Variants in DDX4 observed in about 807,000 individuals in gnomAD.
DDX4 encodes the protein DEAD-box helicase 4.
Under a neutral mutation model 100.0 loss-of-function variants are expected in DDX4, and 25 were observed. That is an observed-to-expected ratio of 0.25 (90% confidence interval 0.18 to 0.35). The LOEUF (loss-of-function observed/expected upper bound fraction) is 0.35. DDX4 is among the 10% of genes least tolerant of loss of function. The pLI is 1.00. For missense variants in DDX4, 635 were observed against 882.4 expected (o/e 0.72, Z 3.55); for synonymous variants, 259 against 275.7 (o/e 0.94, Z 0.60).
intron 21 of DDX4, 81 bp from the exon 22 acceptor site, chr5:55,816,382 G>A: frequency 6.6e-7 from 1 of 1,517,146 alleles, no homozygotes; most frequent in East Asian, 2.5e-5. Flanking sequence ...CTTGCTCTCA[G>A]TCTGAGTGAT....
At chr5:55,778,152 AAATC>A (rs1228956817) in intron 7 of DDX4, among the ~76,000 whole-genome samples, 5 of 152,144 alleles carry the variant, frequency 3.3e-5, no homozygotes, top group Non-Finnish European at 7.4e-5. Context: ...AAAATAAAAG[AAATC>A]AATAAGTCTA....
intron 7 of DDX4, among the ~76,000 whole-genome samples, chr5:55,774,207 A>G (rs1741423780): frequency 6.7e-6 from 1 of 149,912 alleles, no homozygotes; most frequent in Non-Finnish European, 1.5e-5. Flanking sequence ...TCTGGGGTGC[A>G]GTGGCACAGT....
At position 55,780,003 on chromosome 5, in the gene DDX4, A is replaced by G. The variant is rs143562242; in HGVS notation, c.434A>G (p.Tyr145Cys). 77 of 1,613,938 alleles carry G rather than the reference A, an allele frequency of 4.8e-5. No individual in the cohort carries two copies. In the African/African-American group the frequency reaches 6.5e-4, roughly 14 times the overall value. ...DGNNSEASGP[Y>C]RRGGRGSFRG... ...AATAATTCAGAAGCTTCAGGGCCAT[A>G]CAGAAGAGGTGGAAGAGGTAGTTTC... The change falls in exon 8 of 22, where the codon TAC becomes TGC. Residue 145 changes from tyrosine (Y) to cysteine (C), a missense_variant. Tyr to Cys is a radical substitution (Grantham distance 194). Around this residue, in one of 4 missense-constraint regions of DDX4, gnomAD observed 446 missense variants for 540.8 expected, o/e 0.82. Transcript: ENST00000505374.
At chr5:55,809,098 G>C (rs1215192769) in intron 18 of DDX4, among the ~76,000 whole-genome samples, 4 of 152,218 alleles carry the variant, frequency 2.6e-5, no homozygotes, top group African/African-American at 9.6e-5. Flanking sequence ...GCTCCATGGG[G>C]GTAGGACCCT....
At chr5:55,748,447 T>C (rs1759363083) in intron 3 of DDX4, among the ~76,000 whole-genome samples, 1 of 152,180 alleles carries the variant, frequency 6.6e-6, no homozygotes, top group South Asian at 2.1e-4. Flanking sequence ...AACACTGTTT[T>C]GTATTGGAAT....
chr5:55,756,111 G>A (rs989676291), intron 3 of DDX4, among the ~76,000 whole-genome samples: 1 of 151,976 alleles, frequency 6.6e-6, no homozygotes, highest in African/African-American at 2.4e-5. Context: ...AATATTGATG[G>A]TCATTTTTAT....
At chr5:55,746,294 C>A in intron 3 of DDX4, 73 bp downstream of exon 3, 1 of 1,338,644 alleles carries the variant, frequency 7.5e-7, no homozygotes, top group Non-Finnish European at 1.0e-6. Context: ...GAGCAGCAGA[C>A]TAGTAGACAT....
chr5:55,803,772 T>C (rs1281341448), intron 18 of DDX4, among the ~76,000 whole-genome samples: 1 of 152,056 alleles, frequency 6.6e-6, no homozygotes, highest in East Asian at 1.9e-4. Context: ...TTGTGAATAG[T>C]GCCTCAATAA....
In DDX4 at chr5:55,739,002, T is replaced by C. The variant is rs1758839622; in HGVS notation, c.39T>C (p.His13=). The change falls in exon 2 of 22, where the codon CAT becomes CAC. Residue 13 remains histidine, a synonymous_variant. Coordinates refer to ENST00000505374, the MANE Select transcript of DDX4 (RefSeq NM_024415.3). The stretch of plus-strand genomic sequence containing the variant: ...ATTGGGAAGCAGAAATCAACCCTCA[T>C]ATGTCTTCCTATGTTCCCATATTTG... The part of the protein sequence containing the change: ...DEDWEAEINP[H]MSSYVPIFEK... 1 of 1,601,512 alleles carries C rather than the reference T, an allele frequency of 6.2e-7. No individual in the cohort carries two copies. The highest frequency in any genetic ancestry group is 1.1e-5 in the South Asian group (1 of 90,618).
In DDX4 at chr5:55,802,584, A is replaced by G. The variant is rs544914659; in HGVS notation, c.1615+4013A>G. 2.0e-5 allele frequency among the ~76,000 whole-genome samples: 3 copies of G among 152,314 alleles called. No individual in the cohort carries two copies. In the East Asian group the frequency reaches 5.8e-4, roughly 29 times the overall value. On this transcript the variant is annotated intron_variant, in intron 18 of 21. Transcript: ENST00000505374. ...TCACTCAGTCCAGTGATAGGGTCTA[A>G]AAGTTGTCAAAGCAGTCAACTTTAG...
chr5:55,800,635 T>A (rs1382380721), intron 18 of DDX4, among the ~76,000 whole-genome samples: 3 of 152,168 alleles, frequency 2.0e-5, no homozygotes, highest in African/African-American at 7.2e-5. Flanking sequence ...AGATTTTTTT[T>A]ATATATGAGC....
chr5:55,815,234 T>C, intron 20 of DDX4, 63 bp downstream of exon 20: 2 of 1,599,794 alleles, frequency 1.3e-6, no homozygotes, highest in African/African-American at 1.3e-5. Flanking sequence ...AGTAGACATT[T>C]TATGCATGTG....
At chr5:55,806,268 A>C (rs1362528453) in intron 18 of DDX4, among the ~76,000 whole-genome samples, 1 of 152,130 alleles carries the variant, frequency 6.6e-6, no homozygotes, top group Non-Finnish European at 1.5e-5. Flanking sequence ...TCTTTTCAAA[A>C]AACCAGCTCC....
chr5:55,808,388 G>A (rs935087653), intron 18 of DDX4, among the ~76,000 whole-genome samples: 1 of 152,250 alleles, frequency 6.6e-6, no homozygotes, highest in South Asian at 2.1e-4. Context: ...ACGAGGAGTG[G>A]CACTCTGATT....
chr5:55,752,101 G>GTC (rs1759589728), intron 3 of DDX4, among the ~76,000 whole-genome samples: 1 of 152,082 alleles, frequency 6.6e-6, no homozygotes, highest in South Asian at 2.1e-4. Flanking sequence ...AGTTTTGTTT[G>GTC]TGAACTGTGG....
At chr5:55,745,027 C>T (rs1156758051) in intron 2 of DDX4, among the ~76,000 whole-genome samples, 1 of 152,030 alleles carries the variant, frequency 6.6e-6, no homozygotes, top group Non-Finnish European at 1.5e-5. Context: ...ATTACAGGCG[C>T]CCATCACCAT....
At chr5:55,787,810 G>T in intron 14 of DDX4, 36 bp from the exon 15 acceptor site, 1 of 1,604,278 alleles carries the variant, frequency 6.2e-7, no homozygotes, top group East Asian at 2.2e-5. Flanking sequence ...AAAGTGTTGT[G>T]CTATAAGTTT....
At chr5:55,787,717 A>G in intron 14 of DDX4, 129 bp from the exon 15 acceptor site, 2 of 1,026,470 alleles carry the variant, frequency 1.9e-6, no homozygotes, top group South Asian at 5.5e-5. Context: ...AGTTGTTTTC[A>G]TTTCTCATCT....
chr5:55,747,134 G>GC (rs1418805058), intron 3 of DDX4, among the ~76,000 whole-genome samples: 5 of 152,150 alleles, frequency 3.3e-5, no homozygotes, highest in Non-Finnish European at 7.3e-5. Context: ...TGTAATCCCA[G>GC]CACTCTGGGA....
Sources: gnomAD v4.1 joint callset for allele counts (sites outside exome capture counted in the v4.1 genomes callset) on GRCh38, gnomAD v4.1.1 for gene constraint, gnomAD v4.1.1 regional missense constraint, MANE v1.5 for transcripts, NCBI Gene and HGNC (gene_info 2026-07-23, HGNC 2026-07-21) for gene names.